The following GPCPD1 variants were observed in gnomAD, a reference collection of about 807,000 sequenced individuals.
GPCPD1 encodes the protein glycerophosphocholine phosphodiesterase GPCPD1.
A neutral mutation model predicts 89.2 loss-of-function variants in GPCPD1; 29 were observed. The observed-to-expected ratio is 0.33, with a 90% CI of 0.24 to 0.44. The LOEUF (loss-of-function observed/expected upper bound fraction) is 0.44, where lower values mean the gene tolerates loss of function less well. Ranked by LOEUF, GPCPD1 falls within the 20% of genes least tolerant of loss-of-function variation. The pLI, the probability that GPCPD1 is intolerant of heterozygous loss-of-function variation, is 1.00. For synonymous variants in GPCPD1, 258 were observed against 266.3 expected (o/e 0.97, Z 0.30); for missense variants, 594 against 808.9 (o/e 0.73, Z 3.22).
intron 16 of GPCPD1, among the ~76,000 whole-genome samples, chr20:5,560,727 A>G (rs1480205515): frequency 1.3e-5 from 2 of 152,338 alleles, no homozygotes; most frequent in East Asian, 1.9e-4. Context: ...AATGAGGGCA[A>G]TTACAGATTA....
chr20:5,547,976 T>C (rs1313917890), intron 19 of GPCPD1, 126 bp from the exon 20 acceptor site: 12 of 509,438 alleles, frequency 2.4e-5, no homozygotes, highest in Non-Finnish European at 3.5e-6. Context: ...ATCAGAGTTT[T>C]TGTTTTGTTT....
chr20:5,548,686 A>G (rs751685679), intron 19 of GPCPD1, among the ~76,000 whole-genome samples: 1 of 152,222 alleles, frequency 6.6e-6, no homozygotes, highest in Non-Finnish European at 1.5e-5. Context: ...AAAACCCAAG[A>G]GACAAAGCTA....
intron 19 of GPCPD1, among the ~76,000 whole-genome samples, chr20:5,550,531 A>C (rs1985347484): frequency 6.6e-6 from 1 of 152,238 alleles, no homozygotes. Context: ...ACATCTCTAT[A>C]GAATTCCCAA....
intron 2 of GPCPD1, among the ~76,000 whole-genome samples, chr20:5,600,643 C>T (rs549653286): frequency 6.6e-6 from 1 of 152,190 alleles, no homozygotes; most frequent in African/African-American, 2.4e-5. Context: ...ACCAGCCTGG[C>T]CAACATAGTG....
chr20:5,585,451 T>C (rs979032156), intron 5 of GPCPD1: 1 of 152,072 alleles, frequency 6.6e-6, no homozygotes, highest in Non-Finnish European at 1.5e-5. Flanking sequence ...TTCTCAGCAC[T>C]GAGTCAATTT....
At chr20:5,605,536 T>TGGGAGGCC (rs2122821575) in intron 1 of GPCPD1, among the ~76,000 whole-genome samples, 1 of 152,270 alleles carries the variant, frequency 6.6e-6, no homozygotes, top group East Asian at 1.9e-4. Flanking sequence ...CCCAGCACTT[T>TGGGAGGCC]GGGAGGCCGA....
intron 15 of GPCPD1, among the ~76,000 whole-genome samples, chr20:5,563,783 A>G (rs1413659866): frequency 6.6e-6 from 1 of 152,224 alleles, no homozygotes; most frequent in Non-Finnish European, 1.5e-5. Flanking sequence ...AACCACTGAG[A>G]TTTTAATGAT....
At chr20:5,579,692 A>G (rs1978330314) in intron 7 of GPCPD1, among the ~76,000 whole-genome samples, 2 of 152,216 alleles carry the variant, frequency 1.3e-5, no homozygotes, top group African/African-American at 4.8e-5. Context: ...AACACGCCCG[A>G]CACATTATAT....
At chr20:5,604,017 G>A (rs1202182065) in intron 2 of GPCPD1, among the ~76,000 whole-genome samples, 4 of 152,194 alleles carry the variant, frequency 2.6e-5, no homozygotes, top group Non-Finnish European at 4.4e-5. Context: ...AAAGTGCTGG[G>A]ATTACAGGCA....
intron 7 of GPCPD1, among the ~76,000 whole-genome samples, chr20:5,579,463 T>C (rs1978322803): frequency 6.6e-6 from 1 of 152,180 alleles, no homozygotes; most frequent in African/African-American, 2.4e-5. Context: ...TTCTCCTGCC[T>C]CAGCCTCCCA....
chr20:5,593,458 A>G (rs1194799515), intron 3 of GPCPD1, 47 bp from the exon 4 acceptor site: 1 of 943,068 alleles, frequency 1.1e-6, no homozygotes, highest in African/African-American at 1.6e-5. Context: ...ATCAAACTAC[A>G]GTGCATAAAG....
chr20:5,549,949 T>C (rs1389978480), intron 19 of GPCPD1, among the ~76,000 whole-genome samples: 9 of 151,724 alleles, frequency 5.9e-5, no homozygotes, highest in Non-Finnish European at 1.3e-4. Flanking sequence ...TCCCAGCACT[T>C]TGGGAGGACA....
At chr20:5,601,731 T>G (rs1168291490) in intron 2 of GPCPD1, among the ~76,000 whole-genome samples, 1 of 152,074 alleles carries the variant, frequency 6.6e-6, no homozygotes, top group African/African-American at 2.4e-5. Flanking sequence ...ATCCCCCACA[T>G]AAAACAGCAG....
intron 15 of GPCPD1, among the ~76,000 whole-genome samples, chr20:5,564,006 T>C (rs1361048489): frequency 6.6e-6 from 1 of 152,152 alleles, no homozygotes; most frequent in Non-Finnish European, 1.5e-5. Context: ...TACCTATTTT[T>C]GCCTAAGAAA....
chr20:5,564,185 A>G (rs758590826), intron 15 of GPCPD1, among the ~76,000 whole-genome samples: 10 of 152,136 alleles, frequency 6.6e-5, no homozygotes, highest in Admixed American at 2.0e-4. Flanking sequence ...TTAAGTCTTC[A>G]TGCTAGTTTT....
rs201999599 is a variant in GPCPD1, at chr20:5,565,155, C to CA, written c.1268-78dup. 575 of 754,694 alleles carry CA rather than the reference C, an allele frequency of 7.6e-4. 1 individual carries two copies. Among genetic ancestry groups the CA allele is most frequent in the African/African-American group, 5.3e-3 (297 of 56,052 alleles). 46.7% of individuals were successfully genotyped at this position (754,694 alleles called of 1,614,324 possible). ...AAGAGCTTTCTTAAATCCTTAGTGC[C>CA]AAAAAAAACAGGGAAAGAGAGAGAG... On this transcript the variant is annotated intron_variant, in intron 14 of 19. Transcript: ENST00000379019.
At chr20:5,569,009 G>A (rs1422896027) in intron 12 of GPCPD1, among the ~76,000 whole-genome samples, 1 of 152,000 alleles carries the variant, frequency 6.6e-6, no homozygotes, top group African/African-American at 2.4e-5. Context: ...TTTCATTAAT[G>A]TTCTTCCATG....
Position 5,560,093 on chromosome 20 carries a change from C to G in GPCPD1, c.1396-17G>C, listed in dbSNP as rs1382691012. ...CATTCCATCCTAGTGAAAGAGAAAG[C>G]AAAATAAAAGTCACTGCACATCCTA... On this transcript the variant is annotated splice_polypyrimidine_tract_variant and intron_variant, in intron 16 of 19. Coordinates refer to ENST00000379019, the MANE Select transcript of GPCPD1 (RefSeq NM_019593.5). 1 of 1,505,324 alleles carries G rather than the reference C, an allele frequency of 6.6e-7. No individual in the cohort carries two copies. The highest frequency in any genetic ancestry group is 2.4e-5 in the Admixed American group (1 of 42,256). The allele number at this position is 1,505,324 out of a possible 1,614,324, so 93.2% of individuals were successfully genotyped here.
Position 5,588,782 on chromosome 20 carries a change from G to A in GPCPD1, c.232-2513C>T, listed in dbSNP as rs776913226. Among the ~76,000 whole-genome samples the A allele has an allele frequency of 3.3e-5, 5 of 150,502 alleles. No homozygotes were observed. The East Asian group carries it at 5.9e-4, about 18-fold the overall frequency. ...GGAGGCTGCAGTGAGCTGAGATTGC[G>A]CCACTGCACTCCAGCCTGGGCGATA... On this transcript the variant is annotated intron_variant, in intron 4 of 19. Coordinates refer to ENST00000379019, the MANE Select transcript of GPCPD1 (RefSeq NM_019593.5).
Sources: gnomAD v4.1 joint callset for allele counts (sites outside exome capture counted in the v4.1 genomes callset) on GRCh38, gnomAD v4.1.1 for gene constraint, MANE v1.5 for transcripts, NCBI Gene and HGNC (gene_info 2026-07-23, HGNC 2026-07-21) for gene names.